The following ADGRL2 variants were observed in gnomAD, a reference collection of about 807,000 sequenced individuals.
ADGRL2 encodes calcium-independent alpha-latrotoxin receptor 2.
Under a neutral mutation model 157.4 loss-of-function variants are expected in ADGRL2, and 44 were observed. That is an observed-to-expected ratio of 0.28 (90% CI 0.22 to 0.36). The LOEUF (loss-of-function observed/expected upper bound fraction) is 0.36. Ranked by LOEUF, ADGRL2 falls within the 10% of genes least tolerant of loss-of-function variation. The pLI is 1.00. For missense variants in ADGRL2, 1,510 were observed against 1,768.9 expected (o/e 0.85, Z 2.63); for synonymous variants, 585 against 624.7 (o/e 0.94, Z 0.95).
intron 2 of ADGRL2, among the ~76,000 whole-genome samples, chr1:81,473,071 TAGAGGGAG>T (rs1157035878): frequency 2.0e-5 from 3 of 150,242 alleles, no homozygotes; most frequent in African/African-American, 7.4e-5. Flanking sequence ...AAATTAGAGA[TAGAGGGAG>T]GGAGGAGAGA....
intron 1 of ADGRL2, among the ~76,000 whole-genome samples, chr1:81,338,157 G>T (rs988900328): frequency 2.0e-5 from 3 of 152,116 alleles, no homozygotes; most frequent in African/African-American, 7.2e-5. Flanking sequence ...GAGGTCAGAA[G>T]TTCGCGACCA....
chr1:81,589,572 G>T (rs758297363), intron 3 of ADGRL2, among the ~76,000 whole-genome samples: 47 of 152,280 alleles, frequency 3.1e-4, no homozygotes, highest in Non-Finnish European at 6.2e-4. Context: ...GCAGTACTCT[G>T]CTCAGAACTC....
chr1:81,367,772 G>A (rs750593833), intron 1 of ADGRL2, among the ~76,000 whole-genome samples: 4 of 152,072 alleles, frequency 2.6e-5, no homozygotes, highest in African/African-American at 4.8e-5. Context: ...GGCTAGACTC[G>A]AACTCCTGAC....
chr1:81,473,808 A>G (rs1218222081), intron 2 of ADGRL2, among the ~76,000 whole-genome samples: 1 of 152,156 alleles, frequency 6.6e-6, no homozygotes, highest in Non-Finnish European at 1.5e-5. Flanking sequence ...CTTCAAGATA[A>G]ACTTCAAAAG....
chr1:81,788,979 G>A (rs1300936854), intron 2 of ADGRL2, among the ~76,000 whole-genome samples: 9 of 152,188 alleles, frequency 5.9e-5, no homozygotes, highest in Non-Finnish European at 1.3e-4. Flanking sequence ...GCCTCCCAAA[G>A]TGCTGGGATT....
intron 1 of ADGRL2, among the ~76,000 whole-genome samples, chr1:81,398,170 C>A (rs190455368): frequency 8.5e-5 from 13 of 152,160 alleles, no homozygotes; most frequent in Non-Finnish European, 1.2e-4. Flanking sequence ...ATATCTTTTT[C>A]CATCCCTTCA....
At chr1:81,645,586 A>G (rs1292444608) in intron 3 of ADGRL2, among the ~76,000 whole-genome samples, 2 of 152,098 alleles carry the variant, frequency 1.3e-5, no homozygotes, top group Non-Finnish European at 2.9e-5. Context: ...ATGAACATAT[A>G]TAAGTATATA....
rs1288669503 is a variant in ADGRL2, at chr1:81,971,838, T to G, written c.2955-14T>G. 7.1e-6 allele frequency: 11 copies of G among 1,539,152 alleles called. No individual in the cohort carries two copies. The East Asian group carries it at 2.5e-4, about 35-fold the overall frequency. On this transcript the variant is annotated splice_polypyrimidine_tract_variant and intron_variant, in intron 16 of 23. Transcript: ENST00000686636. ...TAGAAACTACTAATGCATATTCTTCTCTTTTCATAATAGTTGCTGGCTTCA... is the reference window on the plus strand; with the variant it reads ...TAGAAACTACTAATGCATATTCTTCGCTTTTCATAATAGTTGCTGGCTTCA...
chr1:81,832,371 C>T (rs1335934272), intron 1 of ADGRL2, among the ~76,000 whole-genome samples: 2 of 152,164 alleles, frequency 1.3e-5, no homozygotes, highest in African/African-American at 4.8e-5. Flanking sequence ...TCTCGAACTC[C>T]TGACCTCGTG....
intron 2 of ADGRL2, among the ~76,000 whole-genome samples, chr1:81,547,893 C>A (rs1309386108): frequency 6.6e-6 from 1 of 152,186 alleles, no homozygotes; most frequent in Non-Finnish European, 1.5e-5. Context: ...ATAACTCCCA[C>A]CAAAATAACA....
At chr1:81,761,168 A>T (rs1421915794) in intron 1 of ADGRL2, among the ~76,000 whole-genome samples, 1 of 151,894 alleles carries the variant, frequency 6.6e-6, no homozygotes, top group Non-Finnish European at 1.5e-5. Flanking sequence ...CAGAAACAAT[A>T]TCTTTCTTGG....
chr1:81,525,359 C>G (rs186218563), intron 2 of ADGRL2, among the ~76,000 whole-genome samples: 1 of 152,068 alleles, frequency 6.6e-6, no homozygotes, highest in African/African-American at 2.4e-5. Flanking sequence ...CCTCTGTCCC[C>G]GAGGCTGGAG....
intron 20 of ADGRL2, 103 bp downstream of exon 20, chr1:81,984,814 C>CT (rs1211931791): frequency 7.9e-7 from 1 of 1,258,404 alleles, no homozygotes; most frequent in African/African-American, 1.5e-5. Flanking sequence ...TTATAATGAT[C>CT]TAGATAGCAA....
chr1:81,917,673 A>G (rs1266675757), intron 3 of ADGRL2, among the ~76,000 whole-genome samples: 1 of 152,178 alleles, frequency 6.6e-6, no homozygotes, highest in African/African-American at 2.4e-5. Flanking sequence ...GAACTCACCT[A>G]TCTACATTAC....
chr1:81,508,727 G>A (rs986573015), intron 2 of ADGRL2, among the ~76,000 whole-genome samples: 2 of 152,138 alleles, frequency 1.3e-5, no homozygotes, highest in Admixed American at 6.5e-5. Context: ...ATACATAATA[G>A]GGAACATAGG....
At chr1:81,346,733 C>T (rs2100803445) in intron 1 of ADGRL2, among the ~76,000 whole-genome samples, 1 of 152,254 alleles carries the variant, frequency 6.6e-6, no homozygotes, top group South Asian at 2.1e-4. Flanking sequence ...CAACTAGCAC[C>T]TTGATCTTGG....
At chr1:81,833,923 A>G (rs2092118921) in intron 1 of ADGRL2, among the ~76,000 whole-genome samples, 1 of 152,200 alleles carries the variant, frequency 6.6e-6, no homozygotes, top group Admixed American at 6.5e-5. Context: ...AAAAAAAATG[A>G]CAGAGGTTTG....
chr1:81,668,821 C>T lies in ADGRL2; in HGVS notation c.-143+87841C>T, dbSNP rs564813853. On this transcript the variant is annotated intron_variant, in intron 3 of 24. Coordinates refer to the ADGRL2 transcript ENST00000370721. ...CTGACCACTAGTGATCTGCCCACCT[C>T]GGCCTCCCAAAGTGCTGGGATTACA... Among the ~76,000 whole-genome samples, 40 of 152,120 alleles carry T rather than the reference C, an allele frequency of 2.6e-4. No homozygotes were observed. The South Asian group carries it at 6.0e-3, about 23-fold the overall frequency.
chr1:81,653,273 G>A (rs1339537883), intron 3 of ADGRL2, among the ~76,000 whole-genome samples: 1 of 150,260 alleles, frequency 6.7e-6, no homozygotes, highest in Non-Finnish European at 1.5e-5. Context: ...TCCATAGAAT[G>A]ATGTACCATA....
Sources: allele counts gnomAD v4.1 joint callset (sites outside exome capture counted in the v4.1 genomes callset), GRCh38; gene constraint gnomAD v4.1.1; transcripts MANE v1.5; gene names NCBI Gene and HGNC (gene_info 2026-07-23, HGNC 2026-07-21).